Variants in GDAP1 observed in about 807,000 individuals in gnomAD.
GDAP1 encodes the protein ganglioside induced differentiation associated protein 1, also known as ganglioside-induced differentiation-associated protein 1.
In GDAP1, 34 loss-of-function variants were observed where a neutral mutation model predicts 40.1. That is an observed-to-expected ratio of 0.85 (90% CI 0.64 to 1.13). The LOEUF is 1.13. GDAP1 is among the 50% of genes most tolerant of loss of function. GDAP1 has a pLI of 0.00. For synonymous variants in GDAP1, 170 were observed against 157.4 expected (o/e 1.08, Z -0.60); for missense variants, 374 against 433.7 (o/e 0.86, Z 1.22).
intron 2 of GDAP1, among the ~76,000 whole-genome samples, chr8:74,422,601 G>A (rs1805892669): frequency 6.7e-6 from 1 of 149,132 alleles, no homozygotes; most frequent in Non-Finnish European, 1.5e-5. Flanking sequence ...CTGTGTCAGG[G>A]TCTTTGAACC....
chr8:74,470,383 C>A (rs1471526275), intron 2 of GDAP1, among the ~76,000 whole-genome samples: 1 of 152,104 alleles, frequency 6.6e-6, no homozygotes, highest in Admixed American at 6.5e-5. Flanking sequence ...AGGTATATCT[C>A]CTAATGCTCT....
intron 2 of GDAP1, among the ~76,000 whole-genome samples, chr8:74,415,590 C>A (rs753487167): frequency 8.0e-5 from 12 of 150,084 alleles, no homozygotes; most frequent in Non-Finnish European, 1.5e-4. Context: ...ATACACACAC[C>A]TACTGGGCAA....
intron 2 of GDAP1, among the ~76,000 whole-genome samples, chr8:74,445,754 C>G (rs867240691): frequency 4.0e-5 from 6 of 151,794 alleles, no homozygotes; most frequent in African/African-American, 1.4e-4. Flanking sequence ...GTTGTCCTAG[C>G]AAAAGATATC....
At chr8:74,427,031 G>A (rs2131562639) in intron 2 of GDAP1, among the ~76,000 whole-genome samples, 1 of 152,276 alleles carries the variant, frequency 6.6e-6, no homozygotes, top group South Asian at 2.1e-4. Flanking sequence ...TACATGGACT[G>A]TGGACTTGGT....
In GDAP1 at chr8:74,423,651, A is replaced by G. The variant is rs187030734; in HGVS notation, c.166-65027A>G. Reference sequence around the variant, plus strand: ...GATGCAAACGTGGGGTATCCTCAGTAAAACAGATTTACTATTATTGTCTAG... The same window carrying G: ...GATGCAAACGTGGGGTATCCTCAGTGAAACAGATTTACTATTATTGTCTAG... On this transcript the variant is annotated intron_variant, in intron 2 of 2. Transcript: ENST00000523640. Among the ~76,000 whole-genome samples, 8 of 152,108 alleles carry G rather than the reference A, an allele frequency of 5.3e-5. No individual in the cohort carries two copies. In the East Asian group the frequency reaches 1.5e-3, roughly 29 times the overall value.
chr8:74,477,033 G>C (rs145252029), intron 2 of GDAP1, among the ~76,000 whole-genome samples: 1 of 152,070 alleles, frequency 6.6e-6, no homozygotes, highest in African/African-American at 2.4e-5. Context: ...TCAGAAAGCC[G>C]GTGTTCAGTC....
chr8:74,415,015 GGAGT>G lies in GDAP1; in HGVS notation c.165+63696_165+63699del, dbSNP rs796290426. On this transcript the variant is annotated intron_variant, in intron 2 of 2. Coordinates refer to the GDAP1 transcript ENST00000523640. ...AATTCAACACCAGGGAGGGCAGAAA[GGAGT>G]GGTACACTTCTAGATTGCTCAATGA... Among the ~76,000 whole-genome samples, 10 of 150,332 alleles carry G rather than the reference GGAGT, an allele frequency of 6.7e-5. 1 individual carries two copies. Among genetic ancestry groups the G allele is most frequent in the African/African-American group, 2.5e-4 (10 of 39,642 alleles).
At chr8:74,371,539 A>G (rs1038413088), downstream of GDAP1, among the ~76,000 whole-genome samples, 3 of 151,970 alleles carry the variant, frequency 2.0e-5, no homozygotes, top group Admixed American at 6.6e-5. Context: ...GGGCGCCTGT[A>G]GTCCCAGCTA....
At chr8:74,362,660 G>A (rs17342145) in intron 4 of GDAP1, among the ~76,000 whole-genome samples, 1 of 151,974 alleles carries the variant, frequency 6.6e-6, no homozygotes, top group Admixed American at 6.6e-5. Flanking sequence ...GGCTCTTCGT[G>A]TCCCTCCCAT....
At chr8:74,406,791 A>G (rs1207649184) in intron 2 of GDAP1, among the ~76,000 whole-genome samples, 1 of 149,898 alleles carries the variant, frequency 6.7e-6, no homozygotes, top group Non-Finnish European at 1.5e-5. Context: ...GCTTTTGACA[A>G]ATAATTGTTC....
intron 2 of GDAP1, among the ~76,000 whole-genome samples, chr8:74,358,759 G>A (rs1809219947): frequency 6.6e-6 from 1 of 152,140 alleles, no homozygotes; most frequent in South Asian, 2.1e-4. Flanking sequence ...GAGAACTGTT[G>A]CGCTTAGGGG....
intron 2 of GDAP1, among the ~76,000 whole-genome samples, chr8:74,487,150 C>T (rs566403812): frequency 3.3e-5 from 5 of 152,166 alleles, no homozygotes; most frequent in African/African-American, 1.2e-4. Flanking sequence ...TTAATGTTAG[C>T]TTTATTAATA....
At chr8:74,470,822 T>C (rs970403593) in intron 2 of GDAP1, among the ~76,000 whole-genome samples, 3 of 152,216 alleles carry the variant, frequency 2.0e-5, no homozygotes, top group Admixed American at 6.5e-5. Flanking sequence ...CCCTGAGGAA[T>C]CGCCACACTG....
chr8:74,486,472 A>G (rs114522378), intron 2 of GDAP1, among the ~76,000 whole-genome samples: 141 of 152,296 alleles, frequency 9.3e-4, no homozygotes, highest in African/African-American at 3.1e-3. Context: ...TGCTTTGCAT[A>G]ATGCACTTCA....
intron 2 of GDAP1, among the ~76,000 whole-genome samples, chr8:74,465,940 CAT>C (rs1290101505): frequency 2.0e-5 from 3 of 152,120 alleles, no homozygotes; most frequent in Admixed American, 1.3e-4. Flanking sequence ...TTAAAAAACA[CAT>C]AAATTGAAGA....
At chr8:74,443,643 A>T (rs1242711570) in intron 2 of GDAP1, among the ~76,000 whole-genome samples, 10 of 152,122 alleles carry the variant, frequency 6.6e-5, no homozygotes, top group Admixed American at 5.2e-4. Context: ...TCTAAAAAAC[A>T]CAAAATCCAG....
chr8:74,367,562 A>C (rs1214257061), downstream of GDAP1, among the ~76,000 whole-genome samples: 2 of 152,220 alleles, frequency 1.3e-5, no homozygotes, highest in African/African-American at 4.8e-5. Context: ...AGGTGAAATT[A>C]ATGCAATAAA....
At chr8:74,411,122 GCTT>G (rs773553152) in intron 2 of GDAP1, among the ~76,000 whole-genome samples, 1 of 149,972 alleles carries the variant, frequency 6.7e-6, no homozygotes, top group Non-Finnish European at 1.5e-5. Flanking sequence ...AGTACTTGCT[GCTT>G]CTTTTCCTTC....
intron 2 of GDAP1, among the ~76,000 whole-genome samples, chr8:74,356,034 GTTAT>G (rs1469848895): frequency 6.6e-6 from 1 of 152,018 alleles, no homozygotes; most frequent in African/African-American, 2.4e-5. Flanking sequence ...ATTAAAAATA[GTTAT>G]TTAAGGAATT....
Sources: allele counts gnomAD v4.1 joint callset (sites outside exome capture counted in the v4.1 genomes callset), GRCh38; gene constraint gnomAD v4.1.1; transcripts MANE v1.5; gene names NCBI Gene and HGNC (gene_info 2026-07-23, HGNC 2026-07-21).